The following UNC13C variants were observed in gnomAD, a reference collection of about 807,000 sequenced individuals.
UNC13C encodes the protein protein unc-13 homolog C.
A neutral mutation model predicts 245.4 loss-of-function variants in UNC13C; 174 were observed. That is an observed-to-expected ratio of 0.71 (90% CI 0.63 to 0.80). UNC13C has a LOEUF of 0.80. Ranked by LOEUF, UNC13C falls within the 30% of genes least tolerant of loss-of-function variation. The pLI, the probability that UNC13C is intolerant of heterozygous loss-of-function variation, is 0.00. For synonymous variants in UNC13C, 992 were observed against 895.1 expected, an observed-to-expected ratio of 1.11 and a Z score of -1.93; for missense variants, 2,829 against 2,602.9, an observed-to-expected ratio of 1.09 and a Z score of -1.89.
At chr15:54,380,773 C>T (rs1449349480) in intron 17 of UNC13C, among the ~76,000 whole-genome samples, 2 of 152,076 alleles carry the variant, frequency 1.3e-5, no homozygotes, top group East Asian at 1.9e-4. Context: ...TGACAAATAT[C>T]TGTTTAGGTT....
At chr15:54,432,927 C>G (rs12438967) in intron 19 of UNC13C, among the ~76,000 whole-genome samples, 44,142 of 151,834 alleles carry the variant, frequency 0.29, 6,899 homozygotes, top group East Asian at 0.51. Context: ...CCACTGATCC[C>G]ACAGAAACAC....
intron 29 of UNC13C, among the ~76,000 whole-genome samples, chr15:54,564,485 A>G (rs1227077766): frequency 3.3e-5 from 5 of 152,022 alleles, no homozygotes; most frequent in Admixed American, 3.3e-4. Flanking sequence ...ATGCCTTTCT[A>G]TAAAACTATT....
chr15:53,872,837 G>A, the UNC13C span, among the ~76,000 whole-genome samples: 2 of 152,138 alleles, frequency 1.3e-5, no homozygotes, highest in Non-Finnish European at 2.9e-5. Flanking sequence ...TAATGAAATT[G>A]ATGTTGTTGG....
rs140710516 is a variant in UNC13C at position 54,397,606 on chromosome 15, A to T, written c.4847+4425A>T. On this transcript the variant is annotated intron_variant, in intron 18 of 32. Coordinates refer to ENST00000260323, the MANE Select transcript of UNC13C (RefSeq NM_001080534.3). ...GATTGATATTGCATTAAATATATAAATCTATTGGGGAGGAAAGAAAACAGC... is the reference window on the plus strand; with the variant it reads ...GATTGATATTGCATTAAATATATAATTCTATTGGGGAGGAAAGAAAACAGC... Among the ~76,000 whole-genome samples, 171 of 151,590 alleles carry T rather than the reference A, an allele frequency of 1.1e-3. 1 individual carries two copies. Among genetic ancestry groups the T allele is most frequent in the African/African-American group, 3.9e-3 (164 of 41,520 alleles).
intron 4 of UNC13C, among the ~76,000 whole-genome samples, chr15:54,177,799 T>C (rs1482994788): frequency 1.3e-5 from 2 of 152,152 alleles, no homozygotes; most frequent in Non-Finnish European, 2.9e-5. Context: ...CTTCCTGAGT[T>C]AGTAAAATAG....
At chr15:54,039,933 C>T (rs1370291395) in intron 2 of UNC13C, among the ~76,000 whole-genome samples, 1 of 151,906 alleles carries the variant, frequency 6.6e-6, no homozygotes, top group Admixed American at 6.6e-5. Context: ...CAGAGTGAGG[C>T]TGTTAATGTC....
chr15:54,565,312 G>A (rs1463294375), intron 29 of UNC13C, among the ~76,000 whole-genome samples: 1 of 151,844 alleles, frequency 6.6e-6, no homozygotes, highest in African/African-American at 2.4e-5. Flanking sequence ...CACAAGGTCT[G>A]GCTCATGATA....
At chr15:54,324,426 A>C (rs2038241640) in intron 14 of UNC13C, among the ~76,000 whole-genome samples, 1 of 152,100 alleles carries the variant, frequency 6.6e-6, no homozygotes, top group Non-Finnish European at 1.5e-5. Flanking sequence ...ACCATTTTAC[A>C]TTTAGACCTT....
the UNC13C span, among the ~76,000 whole-genome samples, chr15:53,854,672 G>A: frequency 1.3e-5 from 2 of 152,166 alleles, no homozygotes; most frequent in South Asian, 2.1e-4. Context: ...TTTTGTACCA[G>A]TACCATGCTG....
At position 54,503,818 on chromosome 15, in the gene UNC13C, C is replaced by T. The variant is rs147982290; in HGVS notation, c.5301+2840C>T. ...TGACTAATTAGTCTTGAAAACTCTA[C>T]GCTTCTAAGTATTGGAATCCTTATA... On this transcript the variant is annotated intron_variant, in intron 22 of 32. Transcript: ENST00000260323. 2.2e-3 allele frequency among the ~76,000 whole-genome samples: 335 copies of T among 152,190 alleles called. 2 individuals are homozygous for T. The highest frequency in any genetic ancestry group is 3.7e-3 in the Non-Finnish European group (255 of 68,030).
rs184504421 is a variant in UNC13C, at chr15:54,448,088, G to T, written c.4933+33021G>T. Among the ~76,000 whole-genome samples, 618 of 152,316 alleles carry T rather than the reference G, an allele frequency of 4.1e-3. 15 individuals carry two copies. The highest frequency in any genetic ancestry group is 0.038 in the Admixed American group (577 of 15,292). ...TTTCCATGTAGTTGAGCGGTTTTGA[G>T]TGAGTTTCTTAATCCTGAGTTCTAG... On this transcript the variant is annotated intron_variant, in intron 19 of 32. Coordinates refer to ENST00000260323, the MANE Select transcript of UNC13C (RefSeq NM_001080534.3).
intron 13 of UNC13C, among the ~76,000 whole-genome samples, chr15:54,313,346 A>T (rs779837331): frequency 9.2e-5 from 14 of 151,742 alleles, no homozygotes; most frequent in Non-Finnish European, 2.1e-4. Context: ...TTTAGTTTAT[A>T]TTTGGGTTCA....
intron 29 of UNC13C, among the ~76,000 whole-genome samples, chr15:54,559,329 T>A (rs1213118146): frequency 6.6e-6 from 1 of 152,048 alleles, no homozygotes; most frequent in Non-Finnish European, 1.5e-5. Context: ...TTTCTTACCC[T>A]CGCAGAGGTT....
intron 24 of UNC13C, chr15:54,512,466 T>C: frequency 4.7e-6 from 2 of 430,062 alleles, no homozygotes; most frequent in Non-Finnish European, 9.3e-6. Context: ...TTCTACTTAT[T>C]CCCATTTGCT....
chr15:54,549,746 T>A (rs1008756074), intron 28 of UNC13C, 55 bp downstream of exon 28: 1 of 1,108,888 alleles, frequency 9.0e-7, no homozygotes, highest in Non-Finnish European at 1.3e-6. Flanking sequence ...TAACTACAGT[T>A]CTGCAAGCAT....
At chr15:54,343,187 G>A (rs185985242) in intron 17 of UNC13C, among the ~76,000 whole-genome samples, 93 of 149,850 alleles carry the variant, frequency 6.2e-4, no homozygotes, top group African/African-American at 1.8e-3. Context: ...AGACTGGAGC[G>A]CAGTGGCGCA....
the UNC13C span, among the ~76,000 whole-genome samples, chr15:53,887,313 G>A: frequency 5.6e-4 from 85 of 152,024 alleles, 1 homozygote; most frequent in East Asian, 0.014. Context: ...AAAATCCCCC[G>A]TTATTTAATA....
chr15:54,484,911 A>G (rs1325393123), intron 19 of UNC13C, among the ~76,000 whole-genome samples: 3 of 152,160 alleles, frequency 2.0e-5, no homozygotes, highest in Non-Finnish European at 4.4e-5. Flanking sequence ...AAAAAACTAT[A>G]AGTAATGATT....
intron 14 of UNC13C, among the ~76,000 whole-genome samples, chr15:54,329,362 C>G (rs1266236721): frequency 6.6e-6 from 1 of 151,828 alleles, no homozygotes; most frequent in African/African-American, 2.4e-5. Context: ...ATTGTGCTAC[C>G]AAACACTGGA....
Sources: gnomAD v4.1 joint callset for allele counts (sites outside exome capture counted in the v4.1 genomes callset) on GRCh38, gnomAD v4.1.1 for gene constraint, MANE v1.5 for transcripts, NCBI Gene and HGNC (gene_info 2026-07-23, HGNC 2026-07-21) for gene names.